Variants in ZFHX3 observed in about 807,000 individuals in gnomAD.
ZFHX3 encodes zinc finger homeobox 3, also known as zinc finger homeobox protein 3.
Under a neutral mutation model 279.1 loss-of-function variants are expected in ZFHX3, and 42 were observed. The observed-to-expected ratio is 0.15, with a 90% confidence interval of 0.12 to 0.19. The LOEUF is 0.19. Ranked by LOEUF, ZFHX3 falls within the 10% of genes least tolerant of loss-of-function variation. The pLI, the probability that ZFHX3 is intolerant of heterozygous loss-of-function variation, is 1.00. For synonymous variants in ZFHX3, 2,293 were observed against 1,957.8 expected (o/e 1.17, Z -4.52); for missense variants, 4,981 against 4,754.0 (o/e 1.05, Z -1.40).
intron 3 of ZFHX3, among the ~76,000 whole-genome samples, chr16:72,949,239 T>A (rs543636577): frequency 6.6e-6 from 1 of 152,120 alleles, no homozygotes; most frequent in African/African-American, 2.4e-5. Context: ...CTGAGTAGAG[T>A]AGGGACTCAA....
intron 1 of ZFHX3, among the ~76,000 whole-genome samples, chr16:73,701,819 A>G (rs530353833): frequency 6.6e-6 from 1 of 152,272 alleles, no homozygotes; most frequent in East Asian, 1.9e-4. Flanking sequence ...AGAGGTAATT[A>G]TTATTCAAAA....
chr16:72,870,591 G>A (rs538561092), intron 4 of ZFHX3, among the ~76,000 whole-genome samples: 31 of 150,980 alleles, frequency 2.1e-4, no homozygotes, highest in Non-Finnish European at 3.7e-4. Context: ...GGTGGCAGGC[G>A]CCCTTAGTCC....
intron 2 of ZFHX3, among the ~76,000 whole-genome samples, chr16:73,467,340 G>A (rs1364223): frequency 0.13 from 19,459 of 152,240 alleles, 1,398 homozygotes; most frequent in Admixed American, 0.22. Context: ...TGTTGGAATA[G>A]ACAAGAGAAG....
chr16:72,804,833 A>G (rs2036213106), intron 7 of ZFHX3, among the ~76,000 whole-genome samples: 1 of 152,198 alleles, frequency 6.6e-6, no homozygotes, highest in Non-Finnish European at 1.5e-5. Context: ...CACCCTGTGC[A>G]GCCAAGGTCA....
At chr16:73,564,115 G>A (rs887465604) in intron 2 of ZFHX3, among the ~76,000 whole-genome samples, 1 of 152,210 alleles carries the variant, frequency 6.6e-6, no homozygotes, top group African/African-American at 2.4e-5. Context: ...GAGGGTGAGG[G>A]AGTGTTTGCT....
intron 5 of ZFHX3, among the ~76,000 whole-genome samples, chr16:73,184,534 A>C (rs570323109): frequency 6.6e-6 from 1 of 152,300 alleles, no homozygotes; most frequent in Non-Finnish European, 1.5e-5. Context: ...GGGCTCAGCC[A>C]GAGGGAAAGG....
intron 2 of ZFHX3, among the ~76,000 whole-genome samples, chr16:73,599,058 G>A (rs1379160288): frequency 6.6e-6 from 1 of 152,198 alleles, no homozygotes; most frequent in Non-Finnish European, 1.5e-5. Context: ...ACCACGCCCG[G>A]CCTTTGAATA....
chr16:73,200,956 C>T (rs1408414112), intron 5 of ZFHX3, among the ~76,000 whole-genome samples: 1 of 152,258 alleles, frequency 6.6e-6, no homozygotes, highest in African/African-American at 2.4e-5. Context: ...GAACATGGTG[C>T]TTGCTTGCTC....
rs1000108439 is a variant in ZFHX3 at position 73,014,518 on chromosome 16, CTTTTTTTTTTTTTT to C, written c.-50+33220_-50+33233del. ...AACAAGTTTGTGGTAATTTCTTCTT[CTTTTTTTTTTTTTT>C]TTTTTTTTTTTTTTGAGACACAGTC... On this transcript the variant is annotated intron_variant, in intron 1 of 9. Coordinates refer to ENST00000268489, the MANE Select transcript of ZFHX3 (RefSeq NM_006885.4). The C allele has an allele frequency of 6.3e-5, 4 of 63,366 alleles. No homozygotes were observed. In the East Asian group the frequency reaches 1.6e-3, roughly 25 times the overall value. 3.9% of individuals were successfully genotyped at this position (63,366 alleles called of 1,614,324 possible).
chr16:72,889,959 G>A lies in ZFHX3; in HGVS notation c.3220C>T (p.Leu1074=), dbSNP rs1471871404. 2.5e-6 allele frequency: 4 copies of A among 1,612,528 alleles called. No individual in the cohort carries two copies. Among genetic ancestry groups the A allele is most frequent in the East Asian group, 2.2e-5 (1 of 44,874 alleles). The change falls in exon 4 of 10, where the codon CTG becomes TTG. Residue 1074 remains leucine, a synonymous_variant. Transcript: ENST00000268489. ...HEASLKLYKH[L]QQHESGVEGE... is the part of the protein sequence containing the mutation. ...TCTACACCACTCTCATGCTGCTGCA[G>A]GTGCTGCAAGTAACAAAAGAGAAAG... is the stretch of plus-strand genomic sequence containing the variant.
At chr16:73,095,779 T>C (rs1264691380) in intron 7 of ZFHX3, among the ~76,000 whole-genome samples, 1 of 152,220 alleles carries the variant, frequency 6.6e-6, no homozygotes, top group African/African-American at 2.4e-5. Flanking sequence ...TCAGGATTGA[T>C]ACCGGGCAAC....
chr16:73,115,103 G>A (rs1010073549), intron 7 of ZFHX3, among the ~76,000 whole-genome samples: 5 of 152,160 alleles, frequency 3.3e-5, no homozygotes, highest in Non-Finnish European at 5.9e-5. Flanking sequence ...ATGTCTTGAA[G>A]TTCAGGACCA....
At chr16:73,741,358 T>C (rs2053656207) in intron 1 of ZFHX3, among the ~76,000 whole-genome samples, 2 of 152,184 alleles carry the variant, frequency 1.3e-5, no homozygotes, top group South Asian at 4.1e-4. Context: ...ACGTGAAGTC[T>C]CTTGAGTCTC....
intron 5 of ZFHX3, among the ~76,000 whole-genome samples, chr16:73,206,019 C>A (rs188832611): frequency 1.8e-4 from 28 of 152,266 alleles, no homozygotes; most frequent in Non-Finnish European, 3.5e-4. Flanking sequence ...TAAAAATGAA[C>A]TTTTATCACA....
rs184954586 is a variant in ZFHX3 at position 73,565,343 on chromosome 16, C to G, written c.-1546-109085G>C. ...GGTTCTACAAAACTTATCAATTTTA[C>G]TCTTTAGTTTCACATTGATGGCATC... On this transcript the variant is annotated intron_variant, in intron 2 of 17. Coordinates refer to the ZFHX3 transcript ENST00000641206. Among the ~76,000 whole-genome samples, 394 of 152,164 alleles carry G rather than the reference C, an allele frequency of 2.6e-3. 1 individual carries two copies. Among genetic ancestry groups the G allele is most frequent in the Non-Finnish European group, 4.4e-3 (296 of 68,002 alleles).
At chr16:72,800,854 T>G (rs547826830) in intron 7 of ZFHX3, among the ~76,000 whole-genome samples, 2 of 152,144 alleles carry the variant, frequency 1.3e-5, no homozygotes, top group African/African-American at 2.4e-5. Context: ...TGCACAGCAT[T>G]CTACAACAGG....
chr16:73,766,351 G>C (rs577657485), intron 1 of ZFHX3, among the ~76,000 whole-genome samples: 1 of 152,136 alleles, frequency 6.6e-6, no homozygotes, highest in African/African-American at 2.4e-5. Context: ...AAATGGCCCA[G>C]GTATATCGCC....
At chr16:73,761,506 A>G (rs2053866261) in intron 1 of ZFHX3, among the ~76,000 whole-genome samples, 1 of 152,238 alleles carries the variant, frequency 6.6e-6, no homozygotes, top group Admixed American at 6.5e-5. Flanking sequence ...TATGGAACCA[A>G]AAAGAGCCCA....
At chr16:73,455,134 C>A (rs12925165) in intron 3 of ZFHX3, among the ~76,000 whole-genome samples, 84,503 of 151,408 alleles carry the variant, frequency 0.56, 24,852 homozygotes, top group Non-Finnish European at 0.68. Flanking sequence ...ATTAGAATGA[C>A]CCCTTGATAG....
Sources: allele counts gnomAD v4.1 joint callset (sites outside exome capture counted in the v4.1 genomes callset), GRCh38; gene constraint gnomAD v4.1.1; transcripts MANE v1.5; gene names NCBI Gene and HGNC (gene_info 2026-07-23, HGNC 2026-07-21).